ITPKC: variants seen among roughly 807,000 people sequenced by gnomAD.
ITPKC encodes the protein inositol-trisphosphate 3-kinase C.
A neutral mutation model predicts 67.1 loss-of-function variants in ITPKC; 33 were observed. That is an observed-to-expected ratio of 0.49 (90% CI 0.37 to 0.66). The LOEUF is 0.66. Ranked by LOEUF, ITPKC falls within the 30% of genes least tolerant of loss-of-function variation. ITPKC has a pLI of 0.00. For missense variants in ITPKC, 820 were observed against 892.1 expected (o/e 0.92, Z 1.03); for synonymous variants, 341 against 359.8 (o/e 0.95, Z 0.59).
rs2082201845 is a variant in ITPKC at position 40,718,207 on chromosome 19, T to C, written c.1072T>C (p.Ser358Pro). The change falls in exon 1 of 7, where the codon TCC becomes CCC. Residue 358 changes from serine to proline, a missense_variant. Ser to Pro is a moderately conservative substitution (Grantham distance 74, BLOSUM62 -1). This residue lies in a region of ITPKC where 481 missense variants were observed against 470.1 expected (regional missense o/e 1.02). Transcript: ENST00000263370. ...SRVEGGSGGF[S>P]SASSFDESED... Reference sequence around the variant, plus strand: ...GGTTGAGGGGGGCAGCGGCGGCTTCTCCTCTGCCTCTTCTTTCGACGAGTC... The same window carrying C: ...GGTTGAGGGGGGCAGCGGCGGCTTCCCCTCTGCCTCTTCTTTCGACGAGTC... 6.4e-7 allele frequency: 1 copy of C among 1,554,748 alleles called. No homozygotes were observed.
chr19:40,717,917 A>G lies in ITPKC; in HGVS notation c.782A>G (p.Gln261Arg). 1 of 1,614,218 alleles carries G rather than the reference A, an allele frequency of 6.2e-7. No homozygotes were observed. Among genetic ancestry groups the G allele is most frequent in the Non-Finnish European group, 8.5e-7 (1 of 1,180,028 alleles). ...CAGGATACTGAAGCAGCCAGGAAACAGCCTGGCACTGGTGGTTTCCAAATA... is the reference window on the plus strand; with the variant it reads ...CAGGATACTGAAGCAGCCAGGAAACGGCCTGGCACTGGTGGTTTCCAAATA... Reference protein sequence around the residue: ...KKQDTEAARKQPGTGGFQIQQ... With the variant: ...KKQDTEAARKRPGTGGFQIQQ... Residue 261 changes from glutamine to arginine, a missense_variant, in exon 1 of 7, where the codon CAG becomes CGG. By Grantham distance (43) the Gln-to-Arg change is conservative. This residue lies in a region of ITPKC where 481 missense variants were observed against 470.1 expected (regional missense o/e 1.02). Transcript: ENST00000263370.
At chr19:40,729,815 A>G (rs1419880513) in intron 3 of ITPKC, among the ~76,000 whole-genome samples, 3 of 152,210 alleles carry the variant, frequency 2.0e-5, no homozygotes, top group Admixed American at 6.5e-5. Flanking sequence ...GTCCATTTTC[A>G]AAGTGGTTGT....
intron 1 of ITPKC, among the ~76,000 whole-genome samples, chr19:40,719,494 C>CTT (rs1005099675): frequency 6.8e-6 from 1 of 146,134 alleles, no homozygotes. Context: ...GAGGTAGATA[C>CTT]TTTTTTTTTT....
intron 6 of ITPKC, 98 bp from the exon 7 acceptor site, chr19:40,739,259 A>C: frequency 1.2e-6 from 1 of 838,414 alleles, no homozygotes; most frequent in Admixed American, 2.5e-5. Context: ...GCCAGGCTCC[A>C]GGGTTCATGC....
At chr19:40,726,885 TAAAG>T (rs896640220) in intron 2 of ITPKC, among the ~76,000 whole-genome samples, 3 of 151,240 alleles carry the variant, frequency 2.0e-5, no homozygotes, top group African/African-American at 7.3e-5. Flanking sequence ...CTACGAAAAA[TAAAG>T]AAATTAACTG....
intron 4 of ITPKC, among the ~76,000 whole-genome samples, chr19:40,734,936 C>A (rs1289550012): frequency 6.6e-6 from 1 of 152,050 alleles, no homozygotes; most frequent in Non-Finnish European, 1.5e-5. Context: ...TGTGCACCAC[C>A]GCTCCTGGCT....
rs2082301154 is a variant in ITPKC at position 40,737,718 on chromosome 19, A to G, written c.1797A>G (p.Leu599=). 6.2e-7 allele frequency: 1 copy of G among 1,614,166 alleles called. No individual in the cohort carries two copies. Residue 599 remains leucine (L), a synonymous_variant, in exon 6 of 7, where the codon CTA becomes CTG. Coordinates refer to ENST00000263370, the MANE Select transcript of ITPKC (RefSeq NM_025194.3). ...CACAGCAAAAGTACGTGGCATGCCTAGAAGAACTTCGTGAAGCTCTGGAGA... is the reference window on the plus strand; with the variant it reads ...CACAGCAAAAGTACGTGGCATGCCTGGAAGAACTTCGTGAAGCTCTGGAGA... ...HVILQKYVAC[L]EELREALEIS...
chr19:40,727,397 A>G (rs2082251260), intron 2 of ITPKC, among the ~76,000 whole-genome samples: 1 of 151,886 alleles, frequency 6.6e-6, no homozygotes, highest in East Asian at 1.9e-4. Flanking sequence ...AAACCCCAAG[A>G]CTTAGTGATG....
intron 2 of ITPKC, among the ~76,000 whole-genome samples, chr19:40,727,933 A>G (rs1014239366): frequency 1.3e-4 from 20 of 151,616 alleles, no homozygotes; most frequent in Admixed American, 7.2e-4. Context: ...TCCTGCCTCA[A>G]CCTCCCAGAG....
intron 1 of ITPKC, 135 bp downstream of exon 1, chr19:40,718,425 C>T: frequency 8.9e-7 from 1 of 1,129,150 alleles, no homozygotes; most frequent in Non-Finnish European, 1.2e-6. Context: ...CTCTTCCATC[C>T]ACTGACCTCC....
Position 40,740,754 on chromosome 19 carries a change from G to T in ITPKC, c.*1194G>T. The T allele has an allele frequency of 1.0e-5, 4 of 387,242 alleles. No individual in the cohort carries two copies. In the East Asian group the frequency reaches 1.5e-4, roughly 14 times the overall value. The allele number at this position is 387,242 out of a possible 1,614,324, so 24.0% of individuals were successfully genotyped here. A position where few individuals can be genotyped will look rare whatever the true frequency, so the allele number is the denominator to read the frequency against. ...TGACCATCTTGATACTTATTTATAC[G>T]AGAGGCAGTTGCTGGACGGGGTAGT... On this transcript the variant is annotated 3_prime_UTR_variant, in exon 7 of 7. Transcript: ENST00000263370.
In ITPKC at chr19:40,739,353, G is replaced by GC. The variant is rs749353385; in HGVS notation, c.1849-3dup. ...CCCTTAACCTCCCGTCTCTACCCCGGCAGGTGGTAGGCAGCTCCCTCCTCT... is the reference window on the plus strand; with the variant it reads ...CCCTTAACCTCCCGTCTCTACCCCGGCCAGGTGGTAGGCAGCTCCCTCCTCT... On this transcript the variant is annotated splice_region_variant and splice_polypyrimidine_tract_variant and intron_variant, in intron 6 of 6. Transcript: ENST00000263370. 23 of 1,612,540 alleles carry GC rather than the reference G, an allele frequency of 1.4e-5. No individual in the cohort carries two copies. The highest frequency in any genetic ancestry group is 2.0e-5 in the Non-Finnish European group (23 of 1,179,226).
intron 4 of ITPKC, among the ~76,000 whole-genome samples, chr19:40,735,831 A>T (rs1444397336): frequency 6.6e-6 from 1 of 152,170 alleles, no homozygotes; most frequent in African/African-American, 2.4e-5. Context: ...TAGTCTCATT[A>T]GTCTCAAATA....
intron 2 of ITPKC, among the ~76,000 whole-genome samples, chr19:40,728,026 G>A (rs1000455571): frequency 6.6e-6 from 1 of 152,158 alleles, no homozygotes. Flanking sequence ...AATTCTATAA[G>A]AGCAGGATCA....
chr19:40,737,590 G>T, intron 5 of ITPKC, 108 bp from the exon 6 acceptor site: 2 of 957,170 alleles, frequency 2.1e-6, no homozygotes, highest in Non-Finnish European at 3.4e-6. Context: ...TTCCATCCTG[G>T]CTAGAGCCTG....
chr19:40,728,561 CT>C (rs1297535801), intron 2 of ITPKC, among the ~76,000 whole-genome samples: 9 of 152,180 alleles, frequency 5.9e-5, no homozygotes, highest in Non-Finnish European at 1.3e-4. Context: ...AGCAAATCCA[CT>C]CTGGAGAGTG....
chr19:40,722,351 C>T (rs1378319320), intron 1 of ITPKC, among the ~76,000 whole-genome samples: 1 of 151,970 alleles, frequency 6.6e-6, no homozygotes, highest in Non-Finnish European at 1.5e-5. Context: ...CACACTGAGT[C>T]TTTGTCATTG....
In ITPKC at chr19:40,733,327, C is replaced by T; in HGVS notation, c.1637C>T (p.Ser546Phe). The T allele has an allele frequency of 1.2e-6, 2 of 1,613,246 alleles. No homozygotes were observed. The highest frequency in any genetic ancestry group is 1.3e-5 in the African/African-American group (1 of 75,026). The change falls in exon 4 of 7, where the codon TCC becomes TTC. Residue 546 changes from serine (S) to phenylalanine (F), a missense_variant. Physicochemically the swap from Ser to Phe is radical, Grantham distance 155. Around this residue, in one of 2 missense-constraint regions of ITPKC, gnomAD observed 339 missense variants for 422.0 expected, o/e 0.80. Transcript: ENST00000263370. The part of the protein sequence containing the change: ...RYMQWRETMS[S>F]TSTLGFRIEG... The stretch of plus-strand genomic sequence containing the variant: ...ATGCAGTGGAGGGAAACCATGAGCT[C>T]CACCTCTACCCTGGGCTTCCGGATC...
Position 40,724,992 on chromosome 19 carries a change from G to C in ITPKC, c.1156-348G>C, listed in dbSNP as rs556321859. Reference sequence around the variant, plus strand: ...GATTTGGAACTGTGTATGTGCAGTGGAAGATGTAAGGGTTGTTTGTTAAAC... The same window carrying C: ...GATTTGGAACTGTGTATGTGCAGTGCAAGATGTAAGGGTTGTTTGTTAAAC... On this transcript the variant is annotated intron_variant, in intron 1 of 6. Coordinates refer to ENST00000263370, the MANE Select transcript of ITPKC (RefSeq NM_025194.3). 5.3e-4 allele frequency among the ~76,000 whole-genome samples: 81 copies of C among 151,636 alleles called. 1 individual carries two copies. Among genetic ancestry groups the C allele is most frequent in the African/African-American group, 1.9e-3 (79 of 41,290 alleles).
Sources: gnomAD v4.1 joint callset for allele counts (sites outside exome capture counted in the v4.1 genomes callset) on GRCh38, gnomAD v4.1.1 for gene constraint, gnomAD v4.1.1 regional missense constraint, MANE v1.5 for transcripts, NCBI Gene and HGNC (gene_info 2026-07-23, HGNC 2026-07-21) for gene names.